The following BMP5 variants were observed in gnomAD, a reference collection of about 807,000 sequenced individuals.
The protein encoded by BMP5 is bone morphogenetic protein 5.
Under a neutral mutation model 46.6 loss-of-function variants are expected in BMP5, and 23 were observed. The observed-to-expected ratio is 0.49, with a 90% CI of 0.35 to 0.70. BMP5 has a LOEUF of 0.70. Ranked by LOEUF, BMP5 falls within the 30% of genes least tolerant of loss-of-function variation. The pLI is 0.00. For synonymous variants in BMP5, 204 were observed against 191.9 expected (o/e 1.06, Z -0.52); for missense variants, 545 against 565.6 (o/e 0.96, Z 0.37).
At chr6:55,870,857 T>G (rs1377791474) in intron 1 of BMP5, among the ~76,000 whole-genome samples, 1 of 152,114 alleles carries the variant, frequency 6.6e-6, no homozygotes, top group Non-Finnish European at 1.5e-5. Flanking sequence ...ACAACACATT[T>G]AAATACTTTT....
chr6:55,821,694 TA>T (rs1776413708), intron 1 of BMP5, among the ~76,000 whole-genome samples: 1 of 152,214 alleles, frequency 6.6e-6, no homozygotes, highest in African/African-American at 2.4e-5. Flanking sequence ...TTTTGGTCCA[TA>T]ATTTAAATCT....
At chr6:55,835,397 C>T (rs539730647) in intron 1 of BMP5, among the ~76,000 whole-genome samples, 1 of 152,222 alleles carries the variant, frequency 6.6e-6, no homozygotes, top group South Asian at 2.1e-4. Context: ...TTCAAATGCA[C>T]ATGTACAGGA....
At chr6:55,854,193 A>C (rs1777328337) in intron 1 of BMP5, among the ~76,000 whole-genome samples, 1 of 152,238 alleles carries the variant, frequency 6.6e-6, no homozygotes, top group South Asian at 2.1e-4. Flanking sequence ...AAAAACTTTC[A>C]AAAATAAGAT....
chr6:55,776,504 T>C (rs1167726376), intron 3 of BMP5, among the ~76,000 whole-genome samples: 1 of 151,278 alleles, frequency 6.6e-6, no homozygotes, highest in African/African-American at 2.4e-5. Flanking sequence ...TAACTAGCAA[T>C]CTGTTCTTTA....
intron 3 of BMP5, among the ~76,000 whole-genome samples, chr6:55,785,596 T>C (rs1427296550): frequency 6.6e-6 from 1 of 151,846 alleles, no homozygotes; most frequent in Non-Finnish European, 1.5e-5. Context: ...ATCTATGTCA[T>C]ATTTATTTTC....
chr6:55,868,693 C>G (rs1777708779), intron 1 of BMP5, among the ~76,000 whole-genome samples: 1 of 152,132 alleles, frequency 6.6e-6, no homozygotes, highest in African/African-American at 2.4e-5. Flanking sequence ...GTTACTACTA[C>G]TTGGTTATGC....
chr6:55,818,943 T>TAGATAGATAGACAGAC (rs1554183645), intron 2 of BMP5, among the ~76,000 whole-genome samples: 1 of 150,784 alleles, frequency 6.6e-6, no homozygotes, highest in African/African-American at 2.5e-5. Context: ...GATAGATAGA[T>TAGATAGATAGACAGAC]AGACAGACAG....
intron 4 of BMP5, 77 bp downstream of exon 4, chr6:55,773,972 T>A: frequency 6.6e-7 from 1 of 1,505,952 alleles, no homozygotes; most frequent in Admixed American, 1.7e-5. Flanking sequence ...AGAGGGTAAA[T>A]TTATTGTGGC....
At chr6:55,801,380 C>T (rs929805751) in intron 2 of BMP5, among the ~76,000 whole-genome samples, 3 of 152,182 alleles carry the variant, frequency 2.0e-5, no homozygotes, top group African/African-American at 4.8e-5. Context: ...GCAAGGCATC[C>T]GCTTCTAAAG....
chr6:55,785,824 A>G (rs1447065682), intron 3 of BMP5, among the ~76,000 whole-genome samples: 1 of 151,730 alleles, frequency 6.6e-6, no homozygotes, highest in Non-Finnish European at 1.5e-5. Context: ...AAATTTGATG[A>G]AAAAATTTGA....
chr6:55,827,123 C>T (rs1460013040), intron 1 of BMP5, among the ~76,000 whole-genome samples: 1 of 151,734 alleles, frequency 6.6e-6, no homozygotes, highest in Admixed American at 6.6e-5. Context: ...TGGGAACACA[C>T]TTGCAGATGA....
At chr6:55,830,940 G>A (rs1161412415) in intron 1 of BMP5, among the ~76,000 whole-genome samples, 3 of 152,032 alleles carry the variant, frequency 2.0e-5, no homozygotes, top group African/African-American at 7.2e-5. Flanking sequence ...TTGAGTGACT[G>A]TTCTTTCCTA....
chr6:55,805,546 T>C (rs976782322), intron 2 of BMP5, among the ~76,000 whole-genome samples: 6 of 152,100 alleles, frequency 3.9e-5, no homozygotes, highest in African/African-American at 1.2e-4. Context: ...CTTTGCTTTA[T>C]AGCAGAATGA....
At chr6:55,823,262 C>CA (rs759941320) in intron 1 of BMP5, among the ~76,000 whole-genome samples, 19 of 151,946 alleles carry the variant, frequency 1.3e-4, no homozygotes, top group Non-Finnish European at 1.9e-4. Flanking sequence ...CAGCAGTACA[C>CA]AAAAAAGTGA....
chr6:55,794,122 T>A (rs1292653400), intron 3 of BMP5, among the ~76,000 whole-genome samples, 157 bp downstream of exon 3: 2 of 152,204 alleles, frequency 1.3e-5, no homozygotes, highest in Non-Finnish European at 2.9e-5. Context: ...TGTTCTGAAT[T>A]GATTAACTAA....
chr6:55,842,748 A>G (rs1582111581), intron 1 of BMP5, among the ~76,000 whole-genome samples: 1 of 151,950 alleles, frequency 6.6e-6, no homozygotes, highest in East Asian at 1.9e-4. Context: ...TCTGATACCT[A>G]GAAAAGTTGC....
chr6:55,777,408 T>A (rs985818871), intron 3 of BMP5, among the ~76,000 whole-genome samples: 17 of 152,138 alleles, frequency 1.1e-4, no homozygotes, highest in African/African-American at 4.1e-4. Context: ...ACACATTACC[T>A]TTACATGTGT....
intron 1 of BMP5, among the ~76,000 whole-genome samples, chr6:55,864,246 G>A (rs1262105124): frequency 6.6e-6 from 1 of 152,132 alleles, no homozygotes; most frequent in African/African-American, 2.4e-5. Flanking sequence ...TACGATTTGA[G>A]TATGTCCTCT....
chr6:55,796,469 AT>A (rs977421474), intron 2 of BMP5, among the ~76,000 whole-genome samples: 1 of 150,792 alleles, frequency 6.6e-6, no homozygotes, highest in Non-Finnish European at 1.5e-5. Context: ...ATATATATAT[AT>A]TTTTTTCTTA....
Sources: allele counts gnomAD v4.1 joint callset (sites outside exome capture counted in the v4.1 genomes callset), GRCh38; gene constraint gnomAD v4.1.1; transcripts MANE v1.5; gene names NCBI Gene and HGNC (gene_info 2026-07-23, HGNC 2026-07-21).